Variants in POLR3A observed in about 807,000 individuals in gnomAD.
POLR3A encodes the protein DNA-directed RNA polymerase III subunit RPC1.
In POLR3A, 112 loss-of-function variants were observed where a neutral mutation model predicts 152.8. The observed-to-expected ratio is 0.73, with a 90% CI of 0.63 to 0.86. The LOEUF (loss-of-function observed/expected upper bound fraction) is 0.86, where lower values mean the gene tolerates loss of function less well. Ranked by LOEUF, POLR3A falls within the 40% of genes least tolerant of loss-of-function variation. The pLI is 0.00. For missense variants in POLR3A, 1,385 were observed against 1,743.1 expected (o/e 0.79, Z 3.66); for synonymous variants, 615 against 652.1 (o/e 0.94, Z 0.87).
Position 78,009,920 on chromosome 10 carries a change from G to C in POLR3A, c.1714C>G (p.Leu572Val), listed in dbSNP as rs1293388973. The change falls in exon 13 of 31, where the codon CTG (leucine) becomes GTG (valine). Residue 572 changes from leucine to valine, a missense_variant. Around this residue, in one of 7 missense-constraint regions of POLR3A, gnomAD observed 188 missense variants for 179.9 expected, o/e 1.04. Transcript: ENST00000372371. ...TTAATTTTCTCATCCTTGCCAACCA[G>C]TATTGAAGCAATGATTTGGCAAGCC... is the stretch of plus-strand genomic sequence containing the variant. The part of the protein sequence containing the change: ...AKACQIIASI[L>V]VGKDEKIKVR... 1 of 1,614,112 alleles carries C rather than the reference G, an allele frequency of 6.2e-7. No individual in the cohort carries two copies. Among genetic ancestry groups the C allele is most frequent in the Non-Finnish European group, 8.5e-7 (1 of 1,180,032 alleles).
At chr10:78,025,889 C>T in intron 2 of POLR3A, 130 bp from the exon 3 acceptor site, 1 of 1,145,890 alleles carries the variant, frequency 8.7e-7, no homozygotes, top group Non-Finnish European at 1.3e-6. Context: ...AGATCACTTC[C>T]TACTGTTTTT....
rs752213735 is a variant in POLR3A, at chr10:77,984,012, T to C, written c.3337A>G (p.Ile1113Val). Residue 1113 changes from isoleucine to valine, a missense_variant and splice_region_variant, in exon 26 of 31, where the codon ATT becomes GTT. Physicochemically the swap from Ile to Val is conservative, Grantham distance 29. Transcript: ENST00000372371. ...AACACTTCTTCAATATACTCGGAAA[T>C]CTGGAGTGTCAAAAGATCAGACTGT... ...GRIEKTLLGE[I>V]SEYIEEVFLP... is the part of the protein sequence containing the mutation. 19 of 1,596,422 alleles carry C rather than the reference T, an allele frequency of 1.2e-5. No individual in the cohort carries two copies. Among genetic ancestry groups the C allele is most frequent in the Non-Finnish European group, 1.6e-5 (19 of 1,164,278 alleles).
At chr10:77,984,343 G>T in intron 24 of POLR3A, 45 bp from the exon 25 acceptor site, 2 of 1,097,980 alleles carry the variant, frequency 1.8e-6, no homozygotes, top group Non-Finnish European at 2.8e-6. Flanking sequence ...AAGGGAGGAG[G>T]CTGTTTGAGG....
At chr10:77,994,536 C>T (rs72642272) in intron 19 of POLR3A, among the ~76,000 whole-genome samples, 5,882 of 149,192 alleles carry the variant, frequency 0.039, 317 homozygotes, top group East Asian at 0.23. Context: ...GTAGCCAATG[C>T]GATCAACTGG....
chr10:77,985,364 G>C, intron 23 of POLR3A, 24 bp from the exon 24 acceptor site: 2 of 1,605,602 alleles, frequency 1.2e-6, no homozygotes, highest in Non-Finnish European at 1.7e-6. Flanking sequence ...GTATGGATGA[G>C]ATTGCAGCAT....
intron 19 of POLR3A, 99 bp from the exon 20 acceptor site, chr10:77,993,466 C>G: frequency 1.2e-6 from 1 of 864,128 alleles, no homozygotes. Flanking sequence ...GTTACAAGCA[C>G]TTTAATCACA....
At chr10:77,997,209 T>G (rs1847310167) in intron 19 of POLR3A, among the ~76,000 whole-genome samples, 1 of 152,164 alleles carries the variant, frequency 6.6e-6, no homozygotes, top group African/African-American at 2.4e-5. Flanking sequence ...AATATCATAT[T>G]GAATGGGCAA....
At position 78,009,969 on chromosome 10, in the gene POLR3A, C is replaced by T. The variant is rs565880778; in HGVS notation, c.1665G>A (p.Lys555=). ...CCTTGGCTCGATCAAAGAAAGTGTC[C>T]TTGAGAGTGAGGAGATAGGCACCTA... is the stretch of plus-strand genomic sequence containing the variant. ...FLTGAYLLTL[K]DTFFDRAKAC... The change falls in exon 13 of 31, where the codon AAG becomes AAA. Residue 555 remains lysine, a synonymous_variant. Coordinates refer to ENST00000372371, the MANE Select transcript of POLR3A (RefSeq NM_007055.4). The T allele has an allele frequency of 1.2e-6, 2 of 1,614,004 alleles. No individual in the cohort carries two copies.
In POLR3A at chr10:77,981,539, G is replaced by A. The variant is rs749352806; in HGVS notation, c.3780C>T (p.Ile1260=). ...NTYEVEKTLG[I]EAARTTIINE... is the part of the protein sequence containing the mutation. The stretch of plus-strand genomic sequence containing the variant: ...TGATGATCGTTGTCCGGGCGGCCTC[G>A]ATGCCCAGAGTTTTCTCCACCTACA... Residue 1260 remains isoleucine (I), a synonymous_variant, in exon 29 of 31, where the codon ATC becomes ATT. Transcript: ENST00000372371. The A allele has an allele frequency of 2.1e-5, 34 of 1,613,890 alleles. No homozygotes were observed. Among genetic ancestry groups the A allele is most frequent in the Middle Eastern group, 1.6e-4 (1 of 6,080 alleles).
chr10:78,001,873 G>T lies in POLR3A; in HGVS notation c.2359+324C>A, dbSNP rs191623458. On this transcript the variant is annotated intron_variant, in intron 17 of 30. Transcript: ENST00000372371. ...TGCCCAGGCTGATCTCAAACTCCTG[G>T]GCTCAAGCAATCAATCGGCCTCGGC... 3.5e-3 allele frequency among the ~76,000 whole-genome samples: 525 copies of T among 150,382 alleles called. 5 individuals are homozygous for T. Among genetic ancestry groups the T allele is most frequent in the African/African-American group, 0.012 (490 of 39,900 alleles).
intron 10 of POLR3A, among the ~76,000 whole-genome samples, chr10:78,015,179 T>C (rs1323848020): frequency 6.6e-6 from 1 of 152,178 alleles, no homozygotes; most frequent in Non-Finnish European, 1.5e-5. Flanking sequence ...ACTGGATACA[T>C]ATTGAAAAAT....
chr10:77,981,461 G>T lies in POLR3A; in HGVS notation c.3858C>A (p.His1286Gln), dbSNP rs373306216. The T allele has an allele frequency of 1.9e-6, 3 of 1,613,944 alleles. No individual in the cohort carries two copies. Among genetic ancestry groups the T allele is most frequent in the East Asian group, 4.5e-5 (2 of 44,872 alleles). Residue 1286 changes from histidine (H) to glutamine (Q), a missense_variant, in exon 29 of 31, where the codon CAC (histidine) becomes CAA (glutamine). Physicochemically the swap from His to Gln is conservative, Grantham distance 24. Coordinates refer to ENST00000372371, the MANE Select transcript of POLR3A (RefSeq NM_007055.4). The part of the protein sequence containing the change: ...VNHGMSIDRR[H>Q]VMLLSDLMTY... ...TCATGAGGTCGGAGAGCAGCATCACGTGCCTCCTGTCGATGCTCATGCCGT... is the reference window on the plus strand; with the variant it reads ...TCATGAGGTCGGAGAGCAGCATCACTTGCCTCCTGTCGATGCTCATGCCGT...
At chr10:78,000,142 A>G (rs1393393978) in intron 18 of POLR3A, 24 bp from the exon 19 acceptor site, 2 of 1,612,914 alleles carry the variant, frequency 1.2e-6, no homozygotes, top group East Asian at 4.5e-5. Flanking sequence ...GAAAAAAGAA[A>G]AATCAAACAA....
intron 1 of POLR3A, 138 bp from the exon 2 acceptor site, chr10:78,026,367 A>T: frequency 1.2e-6 from 1 of 831,294 alleles, no homozygotes; most frequent in Non-Finnish European, 2.0e-6. Flanking sequence ...AATATATTTA[A>T]CCCTCTCTCA....
rs532801126 is a variant in POLR3A at position 77,982,364 on chromosome 10, C to T, written c.3595-46G>A. ...AGCTGTGAGGACGGGGTGAGCCATG[C>T]CCTGGGCTGATCACCTTGATCACCC... On this transcript the variant is annotated intron_variant, in intron 27 of 30. Transcript: ENST00000372371. 2.7e-4 allele frequency: 430 copies of T among 1,582,702 alleles called. 8 individuals carry two copies. In the South Asian group the frequency reaches 4.5e-3, roughly 17 times the overall value.
intron 19 of POLR3A, 90 bp downstream of exon 19, chr10:77,999,891 C>T (rs1163309473): frequency 1.3e-5 from 17 of 1,270,798 alleles, no homozygotes; most frequent in Non-Finnish European, 1.9e-5. Context: ...AGATAAATTA[C>T]AGCTCATGTG....
chr10:78,010,393 C>T, intron 12 of POLR3A, 78 bp downstream of exon 12: 3 of 1,118,272 alleles, frequency 2.7e-6, no homozygotes, highest in East Asian at 2.3e-5. Flanking sequence ...CTTTTCAAGT[C>T]ATCACATGAA....
intron 18 of POLR3A, among the ~76,000 whole-genome samples, chr10:78,000,641 G>T (rs1219266609): frequency 6.6e-6 from 1 of 152,212 alleles, no homozygotes; most frequent in African/African-American, 2.4e-5. Context: ...CCTTACATGG[G>T]TAAATTATAT....
chr10:78,022,503 G>A, intron 5 of POLR3A, 119 bp from the exon 6 acceptor site: 2 of 1,026,346 alleles, frequency 1.9e-6, no homozygotes, highest in South Asian at 1.3e-5. Flanking sequence ...TGACAACAGA[G>A]ATTTCTATGG....
Sources: allele counts gnomAD v4.1 joint callset (sites outside exome capture counted in the v4.1 genomes callset), GRCh38; gene constraint gnomAD v4.1.1; regional missense constraint gnomAD v4.1.1; transcripts MANE v1.5; gene names NCBI Gene and HGNC (gene_info 2026-07-23, HGNC 2026-07-21).